The following CDKAL1 variants were observed in gnomAD, a reference collection of about 807,000 sequenced individuals.
The protein encoded by CDKAL1 is threonylcarbamoyladenosine tRNA methylthiotransferase.
Under a neutral mutation model 68.2 loss-of-function variants are expected in CDKAL1, and 32 were observed. That is an observed-to-expected ratio of 0.47 (90% CI 0.35 to 0.63). CDKAL1 has a LOEUF of 0.63. CDKAL1 is among the 30% of genes least tolerant of loss of function. The pLI is 0.00. For missense variants in CDKAL1, 606 were observed against 696.7 expected (o/e 0.87, Z 1.47); for synonymous variants, 234 against 244.3 (o/e 0.96, Z 0.39).
chr6:20,760,425 T>G (rs1774412203), intron 7 of CDKAL1, among the ~76,000 whole-genome samples: 1 of 152,202 alleles, frequency 6.6e-6, no homozygotes, highest in African/African-American at 2.4e-5. Flanking sequence ...ACCTACAGTG[T>G]GACAGCCACT....
chr6:20,904,455 C>T (rs116115842), intron 9 of CDKAL1, among the ~76,000 whole-genome samples: 6,020 of 152,126 alleles, frequency 0.04, 180 homozygotes, highest in Non-Finnish European at 0.057. Context: ...GAAACTAGGG[C>T]ATTCCAAAGC....
chr6:20,999,400 CCT>C (rs1335247121), intron 10 of CDKAL1, among the ~76,000 whole-genome samples: 1 of 152,030 alleles, frequency 6.6e-6, no homozygotes, highest in Admixed American at 6.6e-5. Flanking sequence ...CAGAACTTCA[CCT>C]CTGTCACTCT....
chr6:20,741,357 T>C (rs543590303), intron 6 of CDKAL1, among the ~76,000 whole-genome samples: 1 of 152,148 alleles, frequency 6.6e-6, no homozygotes, highest in Non-Finnish European at 1.5e-5. Context: ...GGGGTACATG[T>C]GCAGGTTTGT....
chr6:20,770,534 A>G (rs1388187234), intron 7 of CDKAL1, among the ~76,000 whole-genome samples: 1 of 152,216 alleles, frequency 6.6e-6, no homozygotes, highest in South Asian at 2.1e-4. Flanking sequence ...AATATTCATA[A>G]CTTTCAATCT....
At chr6:21,039,671 T>G (rs1301240964) in intron 11 of CDKAL1, among the ~76,000 whole-genome samples, 1 of 152,222 alleles carries the variant, frequency 6.6e-6, no homozygotes. Flanking sequence ...CTTTGATTAA[T>G]TTTAACTTTT....
chr6:20,565,125 C>T (rs1764409574), intron 4 of CDKAL1, among the ~76,000 whole-genome samples: 1 of 151,624 alleles, frequency 6.6e-6, no homozygotes, highest in Admixed American at 6.6e-5. Context: ...ATTTTTTTAT[C>T]CCATCAAAGC....
intron 11 of CDKAL1, among the ~76,000 whole-genome samples, chr6:21,002,726 A>T (rs989558113): frequency 6.6e-6 from 1 of 151,812 alleles, no homozygotes; most frequent in African/African-American, 2.4e-5. Flanking sequence ...GGTGGCTCAC[A>T]CCTGGAATCC....
intron 12 of CDKAL1, among the ~76,000 whole-genome samples, chr6:21,099,020 GA>G (rs1487441522): frequency 6.6e-6 from 1 of 152,068 alleles, no homozygotes; most frequent in Non-Finnish European, 1.5e-5. Flanking sequence ...AGTAAAGGGG[GA>G]TTAAGCAAAG....
chr6:21,204,416 A>G (rs1009262212), intron 15 of CDKAL1, among the ~76,000 whole-genome samples: 48 of 152,210 alleles, frequency 3.2e-4, no homozygotes, highest in African/African-American at 1.1e-3. Flanking sequence ...GAAATATACT[A>G]GTAAATACCT....
intron 9 of CDKAL1, among the ~76,000 whole-genome samples, chr6:20,846,911 A>G (rs1222600379): frequency 6.6e-6 from 1 of 152,226 alleles, no homozygotes; most frequent in Admixed American, 6.5e-5. Context: ...TACTCCCAAC[A>G]TGAGATAATC....
intron 12 of CDKAL1, among the ~76,000 whole-genome samples, chr6:21,088,087 G>T (rs548551253): frequency 6.6e-6 from 1 of 152,236 alleles, no homozygotes; most frequent in East Asian, 1.9e-4. Flanking sequence ...TGAGGGTAGG[G>T]TTATGCCAGG....
At chr6:20,814,273 C>A (rs1423579872) in intron 8 of CDKAL1, among the ~76,000 whole-genome samples, 3 of 151,990 alleles carry the variant, frequency 2.0e-5, no homozygotes, top group Admixed American at 6.6e-5. Context: ...ACATTGTATT[C>A]TCCCACCTTC....
chr6:20,933,329 G>T (rs945410088), intron 9 of CDKAL1, among the ~76,000 whole-genome samples: 5 of 152,192 alleles, frequency 3.3e-5, no homozygotes, highest in African/African-American at 1.2e-4. Context: ...ATAAACAAAG[G>T]TGATGTTTAT....
intron 10 of CDKAL1, among the ~76,000 whole-genome samples, chr6:20,980,058 A>T (rs1346842930): frequency 6.6e-6 from 1 of 152,048 alleles, no homozygotes; most frequent in Non-Finnish European, 1.5e-5. Flanking sequence ...GGCGTGAGCC[A>T]CCACGCCTGG....
intron 10 of CDKAL1, among the ~76,000 whole-genome samples, chr6:20,990,288 T>G (rs2150794829): frequency 6.6e-6 from 1 of 152,252 alleles, no homozygotes; most frequent in African/African-American, 2.4e-5. Context: ...TAATATTAGT[T>G]GAAAATAAAT....
chr6:21,217,037 C>T (rs1277699701), intron 15 of CDKAL1, among the ~76,000 whole-genome samples: 2 of 124,068 alleles, frequency 1.6e-5, no homozygotes, highest in Non-Finnish European at 3.3e-5. Flanking sequence ...CTCACCCATA[C>T]TTGATATTGC....
chr6:21,109,800 G>A (rs1774031791), intron 13 of CDKAL1, among the ~76,000 whole-genome samples: 1 of 152,166 alleles, frequency 6.6e-6, no homozygotes, highest in African/African-American at 2.4e-5. Flanking sequence ...TGCAGCAGTG[G>A]CTAAAGTTAA....
At chr6:21,057,897 T>G (rs1218265839) in intron 11 of CDKAL1, among the ~76,000 whole-genome samples, 1 of 152,242 alleles carries the variant, frequency 6.6e-6, no homozygotes, top group Non-Finnish European at 1.5e-5. Context: ...TGATTTCTGT[T>G]CTTTTGCATT....
chr6:20,585,332 G>A (rs111748595), intron 4 of CDKAL1, among the ~76,000 whole-genome samples: 2,942 of 152,228 alleles, frequency 0.019, 36 homozygotes, highest in Non-Finnish European at 0.029. Flanking sequence ...GATTACAGGC[G>A]TGAGCCACTG....
Sources: gnomAD v4.1 joint callset for allele counts (sites outside exome capture counted in the v4.1 genomes callset) on GRCh38, gnomAD v4.1.1 for gene constraint, MANE v1.5 for transcripts, NCBI Gene and HGNC (gene_info 2026-07-23, HGNC 2026-07-21) for gene names.